PTPN3: variants seen among roughly 807,000 people sequenced by gnomAD.
The protein encoded by PTPN3 is tyrosine-protein phosphatase non-receptor type 3.
A neutral mutation model predicts 132.7 loss-of-function variants in PTPN3; 96 were observed. The observed-to-expected ratio is 0.72, with a 90% CI of 0.61 to 0.86. The LOEUF (loss-of-function observed/expected upper bound fraction) is 0.86. Among genes scored for constraint, PTPN3 ranks in the 40% least tolerant of loss-of-function variants. PTPN3 has a pLI of 0.00. For synonymous variants in PTPN3, 398 were observed against 429.0 expected, an observed-to-expected ratio of 0.93 and a Z score of 0.89; for missense variants, 1,125 against 1,159.6, an observed-to-expected ratio of 0.97 and a Z score of 0.43.
chr9:109,478,912 G>C (rs542588684), intron 1 of PTPN3, among the ~76,000 whole-genome samples: 1 of 152,246 alleles, frequency 6.6e-6, no homozygotes. Flanking sequence ...ATCCAAACCG[G>C]TGGCTCCTGC....
chr9:109,503,144 T>A (rs540106461), upstream of PTPN3, among the ~76,000 whole-genome samples: 19 of 152,242 alleles, frequency 1.2e-4, no homozygotes, highest in African/African-American at 4.3e-4. Flanking sequence ...TACTCCAGAA[T>A]TGCTCAAAAA....
intron 2 of PTPN3, among the ~76,000 whole-genome samples, chr9:109,458,141 C>G (rs1304172729): frequency 6.6e-6 from 1 of 152,166 alleles, no homozygotes; most frequent in Non-Finnish European, 1.5e-5. Context: ...AACAGAGTGT[C>G]AAAGGCCGTC....
At position 109,406,483 on chromosome 9, in the gene PTPN3, C is replaced by T. The variant is rs1841575528; in HGVS notation, c.1771G>A (p.Ala591Thr). 1 of 1,614,114 alleles carries T rather than the reference C, an allele frequency of 6.2e-7. No individual in the cohort carries two copies. Among genetic ancestry groups the T allele is most frequent in the African/African-American group, 1.3e-5 (1 of 75,064 alleles). ...TTACCTCTCCTCCTGATCACCAGGG[C>T]CAGCTCCCGTGAGTGGGACTCCCGG... ...ASRESHSREL[A>T]LVIRRRAVRS... The change falls in exon 18 of 26, where the codon GCC becomes ACC. Residue 591 changes from alanine to threonine, a missense_variant. By Grantham distance (58) the Ala-to-Thr change is moderately conservative (BLOSUM62 0). Coordinates refer to ENST00000374541, the MANE Select transcript of PTPN3 (RefSeq NM_002829.4).
At chr9:109,417,770 T>C (rs1158760495) in intron 14 of PTPN3, 7 of 985,218 alleles carry the variant, frequency 7.1e-6, no homozygotes, top group South Asian at 4.7e-5. Context: ...GACATGTCTA[T>C]TGTCAGTGCA....
Position 109,379,263 on chromosome 9 carries a change from G to C in PTPN3, c.*293C>G, listed in dbSNP as rs1375153549. 8.7e-6 allele frequency: 3 copies of C among 343,898 alleles called. No homozygotes were observed. The highest frequency in any genetic ancestry group is 5.3e-6 in the Non-Finnish European group (1 of 188,172). The allele number at this position is 343,898 out of a possible 1,614,324, so 21.3% of individuals were successfully genotyped here. A position where few individuals can be genotyped will look rare whatever the true frequency, so the allele number is the denominator to read the frequency against. ...CTCAATTGCTCCAGGATGCCGACAG[G>C]GGTGTGTGTGGTGATGTTAGGGAAG... On this transcript the variant is annotated 3_prime_UTR_variant, in exon 26 of 26. Coordinates refer to ENST00000374541, the MANE Select transcript of PTPN3 (RefSeq NM_002829.4).
At chr9:109,535,499 C>T in the PTPN3 span, among the ~76,000 whole-genome samples, 1 of 151,828 alleles carries the variant, frequency 6.6e-6, no homozygotes, top group African/African-American at 2.4e-5. Context: ...CTGGCTTTTA[C>T]ACATCCTCTT....
At chr9:109,530,369 G>A in the PTPN3 span, among the ~76,000 whole-genome samples, 2 of 152,088 alleles carry the variant, frequency 1.3e-5, no homozygotes, top group African/African-American at 4.8e-5. Flanking sequence ...TGTTTTCAAG[G>A]TTCATCCATG....
chr9:109,517,458 G>A, the PTPN3 span, among the ~76,000 whole-genome samples: 7 of 152,112 alleles, frequency 4.6e-5, no homozygotes, highest in African/African-American at 9.7e-5. Context: ...ATCCTCTAAC[G>A]GTACCCACTG....
intron 10 of PTPN3, among the ~76,000 whole-genome samples, chr9:109,432,581 G>C (rs1470648127): frequency 6.6e-6 from 1 of 152,160 alleles, no homozygotes; most frequent in Non-Finnish European, 1.5e-5. Flanking sequence ...AGTAATGCGG[G>C]ACAGGCTGGC....
intron 22 of PTPN3, among the ~76,000 whole-genome samples, chr9:109,386,798 A>G (rs529363450): frequency 6.6e-6 from 1 of 152,330 alleles, no homozygotes; most frequent in South Asian, 2.1e-4. Context: ...CAGGGAAATG[A>G]CAGGACCAGG....
At chr9:109,385,846 C>G (rs1189619668) in intron 22 of PTPN3, among the ~76,000 whole-genome samples, 1 of 152,144 alleles carries the variant, frequency 6.6e-6, no homozygotes, top group Non-Finnish European at 1.5e-5. Flanking sequence ...ATTCACAAGC[C>G]TGAGTGGGGC....
intron 14 of PTPN3, among the ~76,000 whole-genome samples, chr9:109,413,343 G>A (rs1842225423): frequency 2.6e-5 from 4 of 152,182 alleles, no homozygotes; most frequent in Admixed American, 2.6e-4. Flanking sequence ...GCTCAACTGT[G>A]TACACAGGTG....
the PTPN3 span, among the ~76,000 whole-genome samples, chr9:109,530,692 T>C: frequency 2.0e-4 from 30 of 152,292 alleles, no homozygotes; most frequent in Middle Eastern, 3.4e-3. Flanking sequence ...TGCACAGGGG[T>C]TCTCATTTCT....
intron 19 of PTPN3, among the ~76,000 whole-genome samples, chr9:109,400,527 A>G (rs1841004253): frequency 6.6e-6 from 1 of 152,186 alleles, no homozygotes; most frequent in African/African-American, 2.4e-5. Context: ...GATATTTTCT[A>G]GCTCAGATGT....
chr9:109,451,356 T>C, intron 5 of PTPN3: 4 of 975,388 alleles, frequency 4.1e-6, no homozygotes, highest in East Asian at 1.1e-4. Flanking sequence ...CATAGTTACA[T>C]TCTACTCCAC....
rs749839684 is a variant in PTPN3 at position 109,406,542 on chromosome 9, G to C, written c.1712C>G (p.Thr571Arg). ...GATGAACATCACCACTTGGTCATGC[G>C]TGTGTTCTGAGATGTCCCGGCCATT... ...LINGRDISEHTHDQVVMFIKA... is the reference protein window; with the variant it reads ...LINGRDISEHRHDQVVMFIKA... Residue 571 changes from threonine (T) to arginine (R), a missense_variant, in exon 18 of 26, where the codon ACG becomes AGG. Physicochemically the swap from Thr to Arg is moderately conservative, Grantham distance 71 (BLOSUM62 -1). Coordinates refer to ENST00000374541, the MANE Select transcript of PTPN3 (RefSeq NM_002829.4). The C allele has an allele frequency of 6.8e-6, 11 of 1,614,042 alleles. No individual in the cohort carries two copies. The highest frequency in any genetic ancestry group is 2.2e-5 in the South Asian group (2 of 91,092).
chr9:109,533,606 CTA>C, the PTPN3 span: 12 of 1,545,238 alleles, frequency 7.8e-6, no homozygotes, highest in Non-Finnish European at 1.1e-5. Flanking sequence ...GAATCGTGGT[CTA>C]TATCCCTGAT....
At chr9:109,461,536 G>A (rs557771106) in intron 2 of PTPN3, among the ~76,000 whole-genome samples, 18 of 152,272 alleles carry the variant, frequency 1.2e-4, no homozygotes, top group African/African-American at 4.3e-4. Context: ...TGGGAGGGTC[G>A]CCTGAGCTCA....
chr9:109,437,672 A>G (rs1844154734), intron 8 of PTPN3, among the ~76,000 whole-genome samples: 1 of 152,232 alleles, frequency 6.6e-6, no homozygotes, highest in South Asian at 2.1e-4. Context: ...CCACTTGGAC[A>G]TAGGGCACTT....
Sources: gnomAD v4.1 joint callset for allele counts (sites outside exome capture counted in the v4.1 genomes callset) on GRCh38, gnomAD v4.1.1 for gene constraint, MANE v1.5 for transcripts, NCBI Gene and HGNC (gene_info 2026-07-23, HGNC 2026-07-21) for gene names.